Variants in CRACD observed in about 807,000 individuals in gnomAD.
CRACD encodes capping protein inhibiting regulator of actin dynamics, also known as capping protein-inhibiting regulator of actin dynamics.
Under a neutral mutation model 106.8 loss-of-function variants are expected in CRACD, and 56 were observed. That is an observed-to-expected ratio of 0.52 (90% CI 0.42 to 0.66). The LOEUF is 0.66. CRACD is among the 30% of genes least tolerant of loss of function. The pLI is 0.00. For synonymous variants in CRACD, 754 were observed against 670.8 expected, an observed-to-expected ratio of 1.12 and a Z score of -1.92; for missense variants, 1,730 against 1,623.2, an observed-to-expected ratio of 1.07 and a Z score of -1.13.
intron 10 of CRACD, among the ~76,000 whole-genome samples, chr4:56,325,670 A>G (rs569392818): frequency 8.5e-5 from 13 of 152,308 alleles, no homozygotes; most frequent in African/African-American, 3.1e-4. Context: ...GTATCCAACT[A>G]TCTCCTTATT....
intron 1 of CRACD, among the ~76,000 whole-genome samples, chr4:56,088,524 C>T (rs765530182): frequency 6.6e-6 from 1 of 151,800 alleles, no homozygotes; most frequent in East Asian, 1.9e-4. Flanking sequence ...TTAAGAAATA[C>T]TTACTTATAC....
intron 2 of CRACD, among the ~76,000 whole-genome samples, chr4:56,183,407 T>G (rs1736939861): frequency 6.6e-6 from 1 of 152,210 alleles, no homozygotes; most frequent in Non-Finnish European, 1.5e-5. Flanking sequence ...GCTGCATCAC[T>G]GCAGTCAACT....
chr4:56,188,011 G>A (rs1283416746), intron 2 of CRACD, among the ~76,000 whole-genome samples: 3 of 152,124 alleles, frequency 2.0e-5, no homozygotes, highest in Non-Finnish European at 4.4e-5. Context: ...AGAGGTCCAA[G>A]GAACGATGAA....
intron 2 of CRACD, among the ~76,000 whole-genome samples, chr4:56,239,819 C>A (rs6828356): frequency 0.23 from 34,748 of 152,062 alleles, 5,941 homozygotes; most frequent in African/African-American, 0.49. Flanking sequence ...TGTGTTAACA[C>A]CACCAGACTA....
At chr4:56,227,742 T>A (rs189887703) in intron 2 of CRACD, among the ~76,000 whole-genome samples, 1 of 152,216 alleles carries the variant, frequency 6.6e-6, no homozygotes, top group Non-Finnish European at 1.5e-5. Flanking sequence ...CACTTTGATT[T>A]AGAGAATCAC....
At chr4:56,123,798 C>G (rs1000096326) in intron 1 of CRACD, among the ~76,000 whole-genome samples, 3 of 152,118 alleles carry the variant, frequency 2.0e-5, no homozygotes, top group African/African-American at 7.2e-5. Flanking sequence ...TTCCTAAGTT[C>G]TAGAGATGCT....
intron 2 of CRACD, among the ~76,000 whole-genome samples, chr4:56,245,804 G>T (rs1740647150): frequency 6.6e-6 from 1 of 152,100 alleles, no homozygotes; most frequent in Non-Finnish European, 1.5e-5. Flanking sequence ...TTGAAGTAAA[G>T]GAAAAATCGA....
chr4:56,256,827 G>T (rs1204434535), intron 2 of CRACD, among the ~76,000 whole-genome samples: 2 of 152,086 alleles, frequency 1.3e-5, no homozygotes, highest in African/African-American at 2.4e-5. Flanking sequence ...ACCCCTACTT[G>T]GCCAAGGGCA....
Position 56,310,795 on chromosome 4 carries a change from C to G in CRACD, c.354+61C>G, listed in dbSNP as rs995382419. Reference sequence around the variant, plus strand: ...CCTTACTTAACTTTCATCTTCCCCCCCCCTTTTTTTTTTTTGCGACCTGCT... The same window carrying G: ...CCTTACTTAACTTTCATCTTCCCCCGCCCTTTTTTTTTTTTGCGACCTGCT... On this transcript the variant is annotated intron_variant, in intron 6 of 10. Transcript: ENST00000682029. 4.1e-6 allele frequency: 4 copies of G among 966,648 alleles called. No homozygotes were observed. The African/African-American group carries it at 7.1e-5, about 17-fold the overall frequency. The allele number at this position is 966,648 out of a possible 1,614,324, so 59.9% of individuals were successfully genotyped here. A position where few individuals can be genotyped will look rare whatever the true frequency, so the allele number is the denominator to read the frequency against.
intron 1 of CRACD, among the ~76,000 whole-genome samples, chr4:56,171,926 G>T (rs1736383918): frequency 1.3e-5 from 2 of 151,692 alleles, no homozygotes; most frequent in Non-Finnish European, 1.5e-5. Context: ...GTTCCCAGAA[G>T]TTCTGTTGGG....
chr4:56,238,991 A>G (rs1740180588), intron 2 of CRACD, among the ~76,000 whole-genome samples: 1 of 152,140 alleles, frequency 6.6e-6, no homozygotes, highest in South Asian at 2.1e-4. Context: ...AACTTATGTA[A>G]AGATTACATC....
At chr4:56,245,160 C>T (rs931303791) in intron 2 of CRACD, among the ~76,000 whole-genome samples, 2 of 152,206 alleles carry the variant, frequency 1.3e-5, no homozygotes, top group Admixed American at 6.5e-5. Flanking sequence ...GAGTGTATCA[C>T]TTCCTATCTT....
intron 3 of CRACD, among the ~76,000 whole-genome samples, chr4:56,276,105 C>G (rs1026123133): frequency 3.9e-5 from 6 of 152,168 alleles, no homozygotes; most frequent in African/African-American, 1.4e-4. Flanking sequence ...AAGCCTTTAT[C>G]TCTCCTAGGC....
At chr4:56,323,296 C>G in intron 8 of CRACD, 81 bp from the exon 9 acceptor site, 3 of 1,266,570 alleles carry the variant, frequency 2.4e-6, no homozygotes, top group Non-Finnish European at 3.3e-6. Context: ...ATTAATATGT[C>G]ACAAGTTTTA....
intron 3 of CRACD, among the ~76,000 whole-genome samples, chr4:56,291,225 G>A (rs537063829): frequency 2.0e-5 from 3 of 152,264 alleles, no homozygotes; most frequent in Admixed American, 6.5e-5. Context: ...CTCTCTCTTG[G>A]TTCCCTCTTA....
At chr4:56,171,732 C>T (rs1268419677) in intron 1 of CRACD, among the ~76,000 whole-genome samples, 3 of 152,128 alleles carry the variant, frequency 2.0e-5, no homozygotes, top group Non-Finnish European at 4.4e-5. Flanking sequence ...GAAATGTTCC[C>T]TGTGCAGACA....
intron 2 of CRACD, among the ~76,000 whole-genome samples, chr4:56,202,164 G>A (rs1560482215): frequency 6.6e-6 from 1 of 151,892 alleles, no homozygotes; most frequent in Non-Finnish European, 1.5e-5. Context: ...AAACTGGGGT[G>A]GAAAATATTT....
chr4:56,217,636 CT>C, intron 2 of CRACD, among the ~76,000 whole-genome samples: 1 of 152,280 alleles, frequency 6.6e-6, no homozygotes, highest in East Asian at 1.9e-4. Flanking sequence ...GTAAATGTTT[CT>C]TATCAGACTT....
At chr4:56,186,406 A>G (rs780905553) in intron 2 of CRACD, among the ~76,000 whole-genome samples, 1 of 152,164 alleles carries the variant, frequency 6.6e-6, no homozygotes, top group Non-Finnish European at 1.5e-5. Context: ...ATTGTTGTAT[A>G]CTGTACTATA....
Sources: allele counts gnomAD v4.1 joint callset (sites outside exome capture counted in the v4.1 genomes callset), GRCh38; gene constraint gnomAD v4.1.1; transcripts MANE v1.5; gene names NCBI Gene and HGNC (gene_info 2026-07-23, HGNC 2026-07-21).